FTO: variants seen among roughly 807,000 people sequenced by gnomAD.
FTO encodes FTO alpha-ketoglutarate dependent dioxygenase.
Under a neutral mutation model 63.9 loss-of-function variants are expected in FTO, and 47 were observed. The observed-to-expected ratio is 0.74, with a 90% CI of 0.58 to 0.94. The LOEUF is 0.94. Ranked by LOEUF, FTO falls within the 40% of genes least tolerant of loss-of-function variation. The pLI is 0.00. For synonymous variants in FTO, 207 were observed against 224.4 expected, an observed-to-expected ratio of 0.92 and a Z score of 0.69; for missense variants, 562 against 618.1, an observed-to-expected ratio of 0.91 and a Z score of 0.96.
chr16:53,935,162 G>A (rs1394522152), intron 8 of FTO, among the ~76,000 whole-genome samples: 1 of 152,196 alleles, frequency 6.6e-6, no homozygotes, highest in East Asian at 1.9e-4. Context: ...GCCAGAGGGA[G>A]AGGAATCAGG....
intron 7 of FTO, among the ~76,000 whole-genome samples, chr16:53,925,946 G>GTC (rs746868594): frequency 4.5e-4 from 69 of 151,784 alleles, no homozygotes; most frequent in East Asian, 1.9e-3. Flanking sequence ...TTTGCATTCA[G>GTC]TCTCTCTCTC....
intron 1 of FTO, among the ~76,000 whole-genome samples, chr16:53,786,553 T>C (rs1455826802): frequency 6.6e-6 from 1 of 152,222 alleles, no homozygotes; most frequent in East Asian, 1.9e-4. Flanking sequence ...AACACTAACA[T>C]CAGTTATGCA....
At chr16:54,044,861 G>A (rs1237977386) in intron 8 of FTO, among the ~76,000 whole-genome samples, 1 of 95,350 alleles carries the variant, frequency 1.0e-5, no homozygotes, top group Non-Finnish European at 1.8e-5. Flanking sequence ...AATGACTACC[G>A]GGTACATAAC....
intron 8 of FTO, among the ~76,000 whole-genome samples, chr16:54,007,605 TG>T (rs1389388567): frequency 6.6e-6 from 1 of 152,250 alleles, no homozygotes; most frequent in Non-Finnish European, 1.5e-5. Flanking sequence ...ATGCCTGCAG[TG>T]CCCATGCATA....
At chr16:54,019,630 T>G (rs1195727329) in intron 8 of FTO, among the ~76,000 whole-genome samples, 8 of 105,476 alleles carry the variant, frequency 7.6e-5, no homozygotes, top group African/African-American at 1.8e-4. Context: ...CACCTCGGTT[T>G]CTAGATTCCT....
intron 8 of FTO, among the ~76,000 whole-genome samples, chr16:54,024,386 G>T (rs538142165): frequency 6.2e-4 from 95 of 152,052 alleles, no homozygotes; most frequent in African/African-American, 2.1e-3. Flanking sequence ...ACCACGCCCA[G>T]CTAATTTTTT....
intron 3 of FTO, among the ~76,000 whole-genome samples, chr16:53,830,683 A>G (rs1309292375): frequency 6.6e-6 from 1 of 152,196 alleles, no homozygotes; most frequent in Non-Finnish European, 1.5e-5. Flanking sequence ...GTGGATCACA[A>G]GGTCAGGAGT....
intron 8 of FTO, among the ~76,000 whole-genome samples, chr16:54,029,366 A>C (rs1328830909): frequency 6.6e-6 from 1 of 152,194 alleles, no homozygotes; most frequent in Non-Finnish European, 1.5e-5. Context: ...CTGTGTGTTA[A>C]TTAACTTTCA....
intron 1 of FTO, among the ~76,000 whole-genome samples, chr16:53,753,832 G>A (rs181781905): frequency 1.7e-4 from 26 of 152,288 alleles, no homozygotes; most frequent in African/African-American, 6.0e-4. Flanking sequence ...CCTATCACAT[G>A]AAGCTAGGAT....
At chr16:53,835,344 G>A (rs540875808) in intron 3 of FTO, among the ~76,000 whole-genome samples, 2 of 152,174 alleles carry the variant, frequency 1.3e-5, no homozygotes, top group East Asian at 3.9e-4. Flanking sequence ...TTTCCTGACT[G>A]TTTTCTTATT....
intron 8 of FTO, among the ~76,000 whole-genome samples, chr16:53,942,197 G>A (rs1258588248): frequency 6.6e-6 from 1 of 152,284 alleles, no homozygotes; most frequent in African/African-American, 2.4e-5. Context: ...ATCTAACCTT[G>A]CCAGGGGTGG....
At chr16:54,098,648 T>C (rs561648938) in intron 8 of FTO, among the ~76,000 whole-genome samples, 1 of 152,362 alleles carries the variant, frequency 6.6e-6, no homozygotes, top group South Asian at 2.1e-4. Flanking sequence ...GTCTTTGACT[T>C]TGCAGGGGAA....
chr16:53,873,754 G>C (rs750808022), intron 4 of FTO, 32 bp from the exon 5 acceptor site: 3 of 1,532,432 alleles, frequency 2.0e-6, no homozygotes, highest in Non-Finnish European at 2.7e-6. Context: ...TAATAAATAT[G>C]GTTTTATACA....
chr16:53,889,894 G>A (rs1012927686), intron 7 of FTO, among the ~76,000 whole-genome samples: 2 of 151,994 alleles, frequency 1.3e-5, no homozygotes, highest in Non-Finnish European at 2.9e-5. Context: ...ATTATTCTAG[G>A]TGTTTTCTGT....
intron 3 of FTO, among the ~76,000 whole-genome samples, chr16:53,842,211 C>T (rs958311582): frequency 2.0e-5 from 3 of 152,158 alleles, no homozygotes; most frequent in Non-Finnish European, 4.4e-5. Context: ...CCTGGAAGAT[C>T]AGAGTCTAGT....
intron 1 of FTO, among the ~76,000 whole-genome samples, chr16:53,761,016 T>TCTTTCC (rs1161024839): frequency 6.6e-6 from 1 of 151,782 alleles, no homozygotes; most frequent in Non-Finnish European, 1.5e-5. Context: ...TTCTTTCCTT[T>TCTTTCC]CTTTCCCTTT....
chr16:53,995,858 C>T (rs543813766), intron 8 of FTO, among the ~76,000 whole-genome samples: 22 of 152,216 alleles, frequency 1.4e-4, no homozygotes, highest in African/African-American at 4.8e-4. Flanking sequence ...CTCATTTTCC[C>T]GGGTTCCCTT....
intron 8 of FTO, among the ~76,000 whole-genome samples, chr16:54,020,654 C>G (rs1251768013): frequency 6.6e-6 from 1 of 152,124 alleles, no homozygotes; most frequent in Non-Finnish European, 1.5e-5. Flanking sequence ...AGAGATGGAT[C>G]AAGATGATTA....
intron 8 of FTO, among the ~76,000 whole-genome samples, chr16:54,057,502 C>T (rs1327838276): frequency 1.3e-5 from 2 of 152,164 alleles, no homozygotes; most frequent in African/African-American, 2.4e-5. Context: ...CTCATTCTGT[C>T]GCCCAGGCTG....
Sources: gnomAD v4.1 joint callset for allele counts (sites outside exome capture counted in the v4.1 genomes callset) on GRCh38, gnomAD v4.1.1 for gene constraint, MANE v1.5 for transcripts, NCBI Gene and HGNC (gene_info 2026-07-23, HGNC 2026-07-21) for gene names.